The following SCGB2B2 variants were observed in gnomAD, a reference collection of about 807,000 sequenced individuals.
The protein encoded by SCGB2B2 is secretoglobin-like protein.
Under a neutral mutation model 7.6 loss-of-function variants are expected in SCGB2B2, and 11 were observed. That is an observed-to-expected ratio of 1.45 (90% CI 0.91 to 2.40). SCGB2B2 has a LOEUF of 2.40. Ranked by LOEUF, SCGB2B2 falls within the 30% of genes most tolerant of loss-of-function variation. The pLI, the probability that SCGB2B2 is intolerant of heterozygous loss-of-function variation, is 0.00. For missense variants in SCGB2B2, 104 were observed against 115.4 expected (o/e 0.90, Z 0.45); for synonymous variants, 50 against 48.6 (o/e 1.03, Z -0.12).
Position 34,675,789 on chromosome 19 carries a change from C to T in SCGB2B2, c.-2191G>A. 1 of 153,592 alleles carries T rather than the reference C, an allele frequency of 6.5e-6. No individual in the cohort carries two copies. Among genetic ancestry groups the T allele is most frequent in the Non-Finnish European group, 1.4e-5 (1 of 69,230 alleles). The allele number at this position is 153,592 out of a possible 1,614,324, so 9.5% of individuals were successfully genotyped here. The stretch of plus-strand genomic sequence containing the variant: ...GGAGTCGTGCTGGAGTTGTTTGTTC[C>T]TCCCGGTGGGTTCATGATTTCGCTG... On this transcript the variant is annotated 5_prime_UTR_variant, in exon 1 of 4. Coordinates refer to ENST00000601241, the MANE Select transcript of SCGB2B2 (RefSeq NM_001025591.4).
At chr19:34,660,348 A>G (rs1395901541) in intron 1 of SCGB2B2, among the ~76,000 whole-genome samples, 3 of 152,226 alleles carry the variant, frequency 2.0e-5, no homozygotes, top group African/African-American at 7.2e-5. Context: ...TGAACAAGCA[A>G]CCTACAGAAT....
At chr19:34,636,547 T>C (rs1235506650) in intron 1 of SCGB2B2, among the ~76,000 whole-genome samples, 1 of 152,194 alleles carries the variant, frequency 6.6e-6, no homozygotes, top group African/African-American at 2.4e-5. Context: ...ACTTAGGCTA[T>C]GTGAACATCT....
At chr19:34,587,471 C>A (rs2065208101), downstream of SCGB2B2, among the ~76,000 whole-genome samples, 1 of 152,172 alleles carries the variant, frequency 6.6e-6, no homozygotes, top group Non-Finnish European at 1.5e-5. Flanking sequence ...ATGTCCTCTG[C>A]AAGCAGAGAC....
chr19:34,625,342 C>A (rs1385892905), intron 1 of SCGB2B2, among the ~76,000 whole-genome samples: 2 of 152,212 alleles, frequency 1.3e-5, no homozygotes, highest in Non-Finnish European at 2.9e-5. Context: ...CCGGGAAGCA[C>A]AAGGGGTCAG....
rs991308120 is a variant in SCGB2B2, at chr19:34,597,063, A to T, written c.-2031-469T>A. Among the ~76,000 whole-genome samples the T allele has an allele frequency of 2.0e-5, 3 of 150,744 alleles. No homozygotes were observed. In the South Asian group the frequency reaches 6.3e-4, roughly 31 times the overall value. Reference sequence around the variant, plus strand: ...ATGTCCCTCCCAGTGGCTGATCTGCATTGCCCTGGGAGGGACATGCTCAGT... The same window carrying T: ...ATGTCCCTCCCAGTGGCTGATCTGCTTTGCCCTGGGAGGGACATGCTCAGT... On this transcript the variant is annotated intron_variant, in intron 1 of 3. Transcript: ENST00000601241.
At chr19:34,593,757 G>A (rs1046290140) in intron 3 of SCGB2B2, among the ~76,000 whole-genome samples, 158 bp from the exon 4 acceptor site, 7 of 152,018 alleles carry the variant, frequency 4.6e-5, no homozygotes, top group East Asian at 1.9e-4. Context: ...TGTGGGTTGT[G>A]TCTCCTGCTT....
intron 1 of SCGB2B2, among the ~76,000 whole-genome samples, chr19:34,667,596 G>T (rs566244990): frequency 1.7e-4 from 26 of 152,324 alleles, no homozygotes; most frequent in African/African-American, 6.3e-4. Flanking sequence ...AATTCTAAAT[G>T]GGCTCTTGAG....
At position 34,594,534 on chromosome 19, in the gene SCGB2B2, A is replaced by G. The variant is rs747449650; in HGVS notation, c.30T>C (p.Leu10=). The G allele has an allele frequency of 2.5e-6, 4 of 1,613,378 alleles. No homozygotes were observed. In the Admixed American group the frequency reaches 6.7e-5, roughly 27 times the overall value. The change falls in exon 2 of 4, where the codon CTT becomes CTC. Residue 10 remains leucine, a synonymous_variant. Transcript: ENST00000601241. ...GGACGCTGCAGATCAGAGCCAGCAG[A>G]AGAGCACAGGTGGCGGATGTCACCC... is the stretch of plus-strand genomic sequence containing the variant. MRVTSATCA[L]LLALICSVQL... is the part of the protein sequence containing the mutation.
At position 34,651,078 on chromosome 19, in the gene SCGB2B2, C is replaced by T. The variant is rs145307468; in HGVS notation, c.-2032+24552G>A. Among the ~76,000 whole-genome samples, 511 of 151,406 alleles carry T rather than the reference C, an allele frequency of 3.4e-3. 35 individuals carry two copies. The highest frequency in any genetic ancestry group is 0.012 in the African/African-American group (484 of 40,716). ...CTTAATGGTAAAAACTCTTAACAAA[C>T]TGTGTATAGAAGGAATGTAGCCCAA... On this transcript the variant is annotated intron_variant, in intron 1 of 3. Coordinates refer to ENST00000601241, the MANE Select transcript of SCGB2B2 (RefSeq NM_001025591.4).
intron 1 of SCGB2B2, among the ~76,000 whole-genome samples, chr19:34,620,753 C>T (rs1388542974): frequency 6.6e-6 from 1 of 152,094 alleles, no homozygotes; most frequent in Non-Finnish European, 1.5e-5. Flanking sequence ...GAAATTGGGG[C>T]CATGAGATGT....
chr19:34,617,476 GCTCT>G (rs1038035997), intron 1 of SCGB2B2, among the ~76,000 whole-genome samples: 5 of 150,548 alleles, frequency 3.3e-5, no homozygotes, highest in African/African-American at 9.8e-5. Flanking sequence ...TCATGATTTG[GCTCT>G]CTGTTTGTCT....
intron 1 of SCGB2B2, among the ~76,000 whole-genome samples, chr19:34,617,697 C>A (rs2066122997): frequency 6.6e-6 from 1 of 152,186 alleles, no homozygotes; most frequent in Non-Finnish European, 1.5e-5. Context: ...TGCCTCATTG[C>A]CCTGGCTAGA....
chr19:34,673,799 T>C (rs1448987672), intron 1 of SCGB2B2, among the ~76,000 whole-genome samples: 1 of 152,216 alleles, frequency 6.6e-6, no homozygotes, highest in African/African-American at 2.4e-5. Flanking sequence ...CTTTAGGCTG[T>C]TTCCTCAACT....
chr19:34,629,085 A>T (rs2145935693), intron 1 of SCGB2B2, among the ~76,000 whole-genome samples: 1 of 151,902 alleles, frequency 6.6e-6, no homozygotes, highest in South Asian at 2.1e-4. Flanking sequence ...CATGCTAAAA[A>T]CTCTCAATAA....
chr19:34,624,318 T>C (rs2066312498), intron 1 of SCGB2B2, among the ~76,000 whole-genome samples: 2 of 152,198 alleles, frequency 1.3e-5, no homozygotes, highest in African/African-American at 2.4e-5. Flanking sequence ...TATCCTCCTA[T>C]AGAGTGCCAT....
chr19:34,590,469 T>G (rs1234213959), downstream of SCGB2B2, among the ~76,000 whole-genome samples: 2 of 152,222 alleles, frequency 1.3e-5, no homozygotes, highest in African/African-American at 4.8e-5. Flanking sequence ...ACAATCCATC[T>G]GTCCAGCTAT....
intron 1 of SCGB2B2, among the ~76,000 whole-genome samples, chr19:34,661,308 A>T (rs1568442790): frequency 6.6e-6 from 1 of 152,234 alleles, no homozygotes; most frequent in Admixed American, 6.5e-5. Flanking sequence ...ATGACATTAA[A>T]AAAAAGAAAT....
At chr19:34,599,851 C>T (rs2065572619) in intron 1 of SCGB2B2, among the ~76,000 whole-genome samples, 1 of 152,086 alleles carries the variant, frequency 6.6e-6, no homozygotes, top group South Asian at 2.1e-4. Context: ...CCTCCCCTGA[C>T]CTCTAATCAT....
intron 1 of SCGB2B2, among the ~76,000 whole-genome samples, chr19:34,597,603 G>A (rs2065495767): frequency 6.6e-6 from 1 of 152,242 alleles, no homozygotes. Context: ...TCTGGGCTAT[G>A]CGCCTTGTGA....
Sources: gnomAD v4.1 joint callset for allele counts (sites outside exome capture counted in the v4.1 genomes callset) on GRCh38, gnomAD v4.1.1 for gene constraint, MANE v1.5 for transcripts, NCBI Gene and HGNC (gene_info 2026-07-23, HGNC 2026-07-21) for gene names.